Variants in SAMD5 observed in about 807,000 individuals in gnomAD.
The protein encoded by SAMD5 is sterile alpha motif domain-containing protein 5.
In SAMD5, 13 loss-of-function variants were observed where a neutral mutation model predicts 11.3. That is an observed-to-expected ratio of 1.15 (90% CI 0.75 to 1.83). The LOEUF (loss-of-function observed/expected upper bound fraction) is 1.83. Ranked by LOEUF, SAMD5 falls within the 40% of genes most tolerant of loss-of-function variation. SAMD5 has a pLI of 0.00. For missense variants in SAMD5, 255 were observed against 239.1 expected, an observed-to-expected ratio of 1.07 and a Z score of -0.44; for synonymous variants, 129 against 111.3, an observed-to-expected ratio of 1.16 and a Z score of -1.00.
intron 1 of SAMD5, among the ~76,000 whole-genome samples, chr6:147,656,351 T>A (rs181002495): frequency 9.2e-5 from 14 of 152,194 alleles, no homozygotes; most frequent in African/African-American, 3.1e-4. Flanking sequence ...AAAATAAAAC[T>A]TTTGCAAGTC....
Position 147,564,766 on chromosome 6 carries a change from C to T in SAMD5, c.*310C>T. The stretch of plus-strand genomic sequence containing the variant: ...TTCTCCCTTCCATTCTTAATGAAAA[C>T]AGATGAGGTTGGCTAAGGCATTTGA... On this transcript the variant is annotated 3_prime_UTR_variant, in exon 2 of 2. Coordinates refer to ENST00000367474, the MANE Select transcript of SAMD5 (RefSeq NM_001030060.3). The T allele has an allele frequency of 9.7e-7, 1 of 1,033,268 alleles. No homozygotes were observed. The highest frequency in any genetic ancestry group is 4.6e-4 in the Middle Eastern group (1 of 2,174). The allele number at this position is 1,033,268 out of a possible 1,614,324, so 64.0% of individuals were successfully genotyped here.
In SAMD5 at chr6:147,692,164, A is replaced by C. The variant is rs1245770951; in HGVS notation, c.163-45153A>C. ...TTTCCATACTATAGAGCCACATCTC[A>C]TATGTTTCTTCATTGTTCATGAAGT... On this transcript the variant is annotated intron_variant, in intron 1 of 1. Coordinates refer to the SAMD5 transcript ENST00000566741. Among the ~76,000 whole-genome samples the C allele has an allele frequency of 2.6e-5, 4 of 152,276 alleles. No individual in the cohort carries two copies. The East Asian group carries it at 7.7e-4, about 29-fold the overall frequency.
At chr6:147,793,488 G>A in the SAMD5 span, among the ~76,000 whole-genome samples, 12 of 152,048 alleles carry the variant, frequency 7.9e-5, no homozygotes, top group African/African-American at 2.9e-4. Context: ...ATAAAGTATA[G>A]ACTTTAGTTA....
chr6:147,576,938 G>A (rs1236743263), intron 1 of SAMD5, among the ~76,000 whole-genome samples: 1 of 152,102 alleles, frequency 6.6e-6, no homozygotes, highest in African/African-American at 2.4e-5. Context: ...ATTCTAAGAG[G>A]AAAATACACT....
chr6:147,611,759 T>C (rs1789789953), intron 1 of SAMD5, among the ~76,000 whole-genome samples: 1 of 152,018 alleles, frequency 6.6e-6, no homozygotes. Context: ...CTCCTCAGAG[T>C]CACCTGAAGT....
At chr6:147,775,441 C>G in the SAMD5 span, among the ~76,000 whole-genome samples, 1 of 152,108 alleles carries the variant, frequency 6.6e-6, no homozygotes. Flanking sequence ...GTAATGTTAA[C>G]TATTAATGTC....
chr6:147,736,447 C>A (rs932273431), intron 1 of SAMD5, among the ~76,000 whole-genome samples: 3 of 152,042 alleles, frequency 2.0e-5, no homozygotes, highest in Non-Finnish European at 2.9e-5. Context: ...GTCTTGCTTT[C>A]CATAATGATA....
At chr6:147,941,810 T>C in the SAMD5 span, among the ~76,000 whole-genome samples, 1 of 152,138 alleles carries the variant, frequency 6.6e-6, no homozygotes, top group Non-Finnish European at 1.5e-5. Context: ...TGGAAGTTAA[T>C]TTAGAATATT....
At chr6:147,729,782 G>A (rs1390303496) in intron 1 of SAMD5, 2 of 457,156 alleles carry the variant, frequency 4.4e-6, no homozygotes, top group Admixed American at 4.7e-5. Context: ...TGTGCCTGAT[G>A]TGTTCAAGAA....
intron 1 of SAMD5, among the ~76,000 whole-genome samples, chr6:147,552,999 A>G (rs568215836): frequency 1.3e-5 from 2 of 152,292 alleles, no homozygotes; most frequent in South Asian, 2.1e-4. Context: ...ATGCCTCCTT[A>G]GGGGTGGGTT....
chr6:147,771,629 T>A, the SAMD5 span, among the ~76,000 whole-genome samples: 1 of 152,158 alleles, frequency 6.6e-6, no homozygotes, highest in Non-Finnish European at 1.5e-5. Context: ...TATAACATGG[T>A]GGCTGTTTTG....
At chr6:147,839,799 A>C in the SAMD5 span, among the ~76,000 whole-genome samples, 1 of 152,230 alleles carries the variant, frequency 6.6e-6, no homozygotes, top group African/African-American at 2.4e-5. Flanking sequence ...ATGGATTACA[A>C]AAGAAAATGA....
intron 1 of SAMD5, among the ~76,000 whole-genome samples, chr6:147,734,675 T>C (rs1252661147): frequency 8.4e-6 from 1 of 118,384 alleles, no homozygotes; most frequent in African/African-American, 3.2e-5. Context: ...ATCGTGCCAC[T>C]GCACTCCAGC....
the SAMD5 span, among the ~76,000 whole-genome samples, chr6:147,855,344 T>C: frequency 6.6e-6 from 1 of 152,106 alleles, no homozygotes; most frequent in Non-Finnish European, 1.5e-5. Flanking sequence ...AAGATAAAAT[T>C]TAAAATGAGA....
At chr6:147,660,838 T>A (rs1790639109) in intron 1 of SAMD5, 1 of 152,266 alleles carries the variant, frequency 6.6e-6, no homozygotes, top group Non-Finnish European at 1.5e-5. Flanking sequence ...GTTAAACCTC[T>A]TTTCATTATA....
chr6:147,949,468 AC>A, the SAMD5 span, among the ~76,000 whole-genome samples: 3 of 152,138 alleles, frequency 2.0e-5, no homozygotes, highest in Admixed American at 6.5e-5. Context: ...TTTTATTTTC[AC>A]TATAAAGAGA....
At chr6:147,810,532 A>G in the SAMD5 span, among the ~76,000 whole-genome samples, 2 of 152,156 alleles carry the variant, frequency 1.3e-5, no homozygotes, top group Non-Finnish European at 2.9e-5. Context: ...GAGGAAATAG[A>G]GGCAGCAAAT....
At chr6:147,529,804 C>T (rs1788399680) in intron 1 of SAMD5, among the ~76,000 whole-genome samples, 1 of 152,142 alleles carries the variant, frequency 6.6e-6, no homozygotes, top group African/African-American at 2.4e-5. Flanking sequence ...ATGAATTGGG[C>T]ACTTACAAAT....
chr6:147,949,778 T>C, the SAMD5 span, among the ~76,000 whole-genome samples: 1 of 152,230 alleles, frequency 6.6e-6, no homozygotes, highest in Admixed American at 6.5e-5. Flanking sequence ...AGAACTCTTA[T>C]GTGATATGGA....
Sources: allele counts gnomAD v4.1 joint callset (sites outside exome capture counted in the v4.1 genomes callset), GRCh38; gene constraint gnomAD v4.1.1; transcripts MANE v1.5; gene names NCBI Gene and HGNC (gene_info 2026-07-23, HGNC 2026-07-21).